MLX: variants seen among roughly 807,000 people sequenced by gnomAD.
MLX encodes the protein MAX dimerization protein MLX, also known as max-like protein X.
Under a neutral mutation model 33.0 loss-of-function variants are expected in MLX, and 15 were observed. The ratio of observed to expected loss-of-function variants is 0.45; its 90% CI spans 0.30 to 0.70. The LOEUF is 0.70. MLX is among the 30% of genes least tolerant of loss of function. MLX has a pLI of 0.07. For synonymous variants in MLX, 115 were observed against 115.6 expected, an observed-to-expected ratio of 0.99 and a Z score of 0.03; for missense variants, 285 against 306.3, an observed-to-expected ratio of 0.93 and a Z score of 0.52.
chr17:42,571,643 C>T lies in MLX; in HGVS notation c.*40C>T, dbSNP rs1035865686. ...CCTGGAGAACAGCCAACAAGAGGCC[C>T]TTGAATCTCTACGTGGCCACTGAAC... On this transcript the variant is annotated 3_prime_UTR_variant, in exon 8 of 8. Coordinates refer to ENST00000435881, the MANE Select transcript of MLX (RefSeq NM_198204.2). 13 of 1,585,270 alleles carry T rather than the reference C, an allele frequency of 8.2e-6. No individual in the cohort carries two copies. The highest frequency in any genetic ancestry group is 1.1e-5 in the Non-Finnish European group (13 of 1,155,574).
In MLX at chr17:42,571,644, T is replaced by C. The variant is rs1000709121; in HGVS notation, c.*41T>C. 1 of 1,600,900 alleles carries C rather than the reference T, an allele frequency of 6.2e-7. No individual in the cohort carries two copies. Among genetic ancestry groups the C allele is most frequent in the Admixed American group, 1.7e-5 (1 of 60,008 alleles). The stretch of plus-strand genomic sequence containing the variant: ...CTGGAGAACAGCCAACAAGAGGCCC[T>C]TGAATCTCTACGTGGCCACTGAACT... On this transcript the variant is annotated 3_prime_UTR_variant, in exon 8 of 8. Transcript: ENST00000435881.
chr17:42,570,110 C>A lies in MLX; in HGVS notation c.605C>A (p.Ser202Tyr). The A allele has an allele frequency of 6.2e-7, 1 of 1,614,164 alleles. No homozygotes were observed. Among genetic ancestry groups the A allele is most frequent in the South Asian group, 1.1e-5 (1 of 91,072 alleles). Residue 202 changes from serine to tyrosine, a missense_variant, in exon 7 of 8, where the codon TCC (serine) becomes TAC (tyrosine). Transcript: ENST00000435881. The part of the protein sequence containing the change: ...MDSLFQSFNA[S>Y]ISVASFQELS... ...TCCCTGTTCCAGTCCTTCAATGCCT[C>A]CATCTCAGTGGCCAGCTTCCAGGAG...
Position 42,572,958 on chromosome 17 carries a change from C to T in MLX, c.*1355C>T, listed in dbSNP as rs775576575. On this transcript the variant is annotated 3_prime_UTR_variant, in exon 8 of 8. Transcript: ENST00000435881. ...TCCTGCAGTCCCCACCAGTCCTGAC[C>T]GTGGGCCCCTCAGGGGTCTGGGAGT... The T allele has an allele frequency of 8.7e-6, 14 of 1,613,914 alleles. No homozygotes were observed. Among genetic ancestry groups the T allele is most frequent in the South Asian group, 4.4e-5 (4 of 91,058 alleles).
chr17:42,568,839 G>T lies in MLX; in HGVS notation c.172G>T (p.Asp58Tyr). Residue 58 changes from aspartate (D) to tyrosine (Y), a missense_variant and splice_region_variant, in exon 4 of 8, where the codon GAT (aspartate) becomes TAT (tyrosine). Asp to Tyr is a radical substitution (Grantham distance 160). Coordinates refer to ENST00000435881, the MANE Select transcript of MLX (RefSeq NM_198204.2). ...CCTGCCCCCATCTCTGAGCGTAGAT[G>T]ATGAGGACAGTGATTACCACCAGGA... ...TSASSVPNTD[D>Y]EDSDYHQEAY... The T allele has an allele frequency of 6.2e-7, 1 of 1,606,372 alleles. No individual in the cohort carries two copies. The highest frequency in any genetic ancestry group is 8.5e-7 in the Non-Finnish European group (1 of 1,175,920).
At chr17:42,571,292 C>G (rs1008288526) in intron 7 of MLX, among the ~76,000 whole-genome samples, 1 of 152,072 alleles carries the variant, frequency 6.6e-6, no homozygotes, top group Non-Finnish European at 1.5e-5. Flanking sequence ...CATGTGCCAC[C>G]ACACCTAATT....
At position 42,573,127 on chromosome 17, in the gene MLX, T is replaced by C. The variant is rs376855006; in HGVS notation, c.*1524T>C. 1.2e-6 allele frequency: 2 copies of C among 1,614,234 alleles called. No individual in the cohort carries two copies. The highest frequency in any genetic ancestry group is 1.3e-5 in the African/African-American group (1 of 75,068). ...CTTACAAAGAACTGCTTCTTGCTCT[T>C]GGGGTATCCTTCAAGTATTGCATCA... On this transcript the variant is annotated 3_prime_UTR_variant, in exon 8 of 8. Coordinates refer to ENST00000435881, the MANE Select transcript of MLX (RefSeq NM_198204.2).
Position 42,570,155 on chromosome 17 carries a change from G to T in MLX, c.650G>T (p.Ser217Ile). The change falls in exon 7 of 8, where the codon AGC becomes ATC. Residue 217 changes from serine (S) to isoleucine (I), a missense_variant. Ser to Ile is a moderately radical substitution (Grantham distance 142). Transcript: ENST00000435881. ...CAGGAGCTGTCAGCGTGTGTCTTCA[G>T]CTGGATCGAGGAGCACTGTAAGCCT... ...SFQELSACVF[S>I]WIEEHCKPQT... is the part of the protein sequence containing the mutation. 2 of 1,613,954 alleles carry T rather than the reference G, an allele frequency of 1.2e-6. No homozygotes were observed. Among genetic ancestry groups the T allele is most frequent in the Non-Finnish European group, 8.5e-7 (1 of 1,180,036 alleles).
rs1201325535 is a variant in MLX at position 42,567,100 on chromosome 17, C to T, written c.-25C>T. 1.4e-5 allele frequency: 17 copies of T among 1,238,872 alleles called. No individual in the cohort carries two copies. The highest frequency in any genetic ancestry group is 1.6e-5 in the Non-Finnish European group (16 of 990,776). The allele number at this position is 1,238,872 out of a possible 1,614,324, so 76.7% of individuals were successfully genotyped here. On this transcript the variant is annotated 5_prime_UTR_variant, in exon 1 of 8. Transcript: ENST00000435881. ...CGCCGCAGGGGGCCCGCCCGCTGGC[C>T]CGTTTCCGGTCCGGTGGGTACAAGA...
Position 42,571,801 on chromosome 17 carries a change from T to C in MLX, c.*198T>C. The C allele has an allele frequency of 1.7e-6, 1 of 596,274 alleles. No homozygotes were observed. Among genetic ancestry groups the C allele is most frequent in the South Asian group, 2.0e-5 (1 of 50,832 alleles). The allele number at this position is 596,274 out of a possible 1,614,324, so 36.9% of individuals were successfully genotyped here. On this transcript the variant is annotated 3_prime_UTR_variant, in exon 8 of 8. Transcript: ENST00000435881. ...TTGTTTTGTGAAAGCTTCTGATTAA[T>C]TTATTATATTGACGATAAAACTCAA...
chr17:42,568,690 C>T, intron 3 of MLX, 131 bp downstream of exon 3: 1 of 1,066,502 alleles, frequency 9.4e-7, no homozygotes, highest in Non-Finnish European at 1.4e-6. Flanking sequence ...CAAGGTCTCA[C>T]CATCTTTCAC....
chr17:42,569,794 T>G, intron 6 of MLX, 188 bp downstream of exon 6: 1 of 716,576 alleles, frequency 1.4e-6, no homozygotes, highest in Admixed American at 2.4e-5. Context: ...GCCTGTTGGA[T>G]TAATGTAAGG....
chr17:42,567,251 C>G (rs755439287), intron 1 of MLX, 85 bp downstream of exon 1: 2 of 1,336,228 alleles, frequency 1.5e-6, no homozygotes, highest in Admixed American at 7.0e-5. Flanking sequence ...AGGGGCTTCC[C>G]TCCTGTCCCC....
intron 2 of MLX, chr17:42,567,927 TTTGTGA>T: frequency 5.4e-6 from 3 of 552,576 alleles, no homozygotes; most frequent in Non-Finnish European, 9.8e-6. Context: ...CACATGCCCG[TTTGTGA>T]GCCAGGGGGG....
chr17:42,569,285 G>A lies in MLX; in HGVS notation c.358G>A (p.Ala120Thr), dbSNP rs1166401759. ...FSIGSQKLSK[A>T]IVLQKTIDYI... ...CATTGGCTCCCAAAAGCTCAGCAAA[G>A]CCATCGTTCTACAAAAGAGTATGGC... is the stretch of plus-strand genomic sequence containing the variant. Residue 120 changes from alanine (A) to threonine (T), a missense_variant, in exon 5 of 8, where the codon GCC becomes ACC. Transcript: ENST00000435881. 1 of 1,614,106 alleles carries A rather than the reference G, an allele frequency of 6.2e-7. No individual in the cohort carries two copies. The highest frequency in any genetic ancestry group is 2.2e-5 in the East Asian group (1 of 44,884).
rs1457177383 is a variant in MLX at position 42,572,303 on chromosome 17, A to ACAG, written c.*703_*705dup. The ACAG allele has an allele frequency of 1.1e-5, 5 of 449,500 alleles. No homozygotes were observed. The Admixed American group carries it at 1.2e-4, about 11-fold the overall frequency. 27.8% of individuals were successfully genotyped at this position (449,500 alleles called of 1,614,324 possible). A position where few individuals can be genotyped will look rare whatever the true frequency, so the allele number is the denominator to read the frequency against. On this transcript the variant is annotated 3_prime_UTR_variant, in exon 8 of 8. Transcript: ENST00000435881. ...GCTGCATGGCAGAGGCAGGTATAAC[A>ACAG]CAGCACTACATATTGGAAATTTTTT...
At chr17:42,569,861 T>A (rs2093023570) in intron 6 of MLX, 121 bp from the exon 7 acceptor site, 2 of 952,138 alleles carry the variant, frequency 2.1e-6, no homozygotes, top group Non-Finnish European at 3.3e-6. Flanking sequence ...TCCCTGATAC[T>A]GAACCCCACC....
chr17:42,567,663 G>T lies in MLX; in HGVS notation c.79+8G>T. ...ACAACAGCCTGGACCCCGGTGAGTAGCTGCCCCATCTTAAGCTCTAGAGGG... is the reference window on the plus strand; with the variant it reads ...ACAACAGCCTGGACCCCGGTGAGTATCTGCCCCATCTTAAGCTCTAGAGGG... On this transcript the variant is annotated splice_region_variant and intron_variant, in intron 2 of 7. Transcript: ENST00000435881. 1 of 1,614,148 alleles carries T rather than the reference G, an allele frequency of 6.2e-7. No homozygotes were observed. Among genetic ancestry groups the T allele is most frequent in the Non-Finnish European group, 8.5e-7 (1 of 1,180,012 alleles).
At position 42,567,133 on chromosome 17, in the gene MLX, G is replaced by A. The variant is rs756633019; in HGVS notation, c.9G>A (p.Glu3=). Residue 3 remains glutamate (E), a synonymous_variant, in exon 1 of 8, where the codon GAG becomes GAA. Transcript: ENST00000435881. MT[E]PGASPEDPWV... ...GGTCCGGTGGGTACAAGATGACGGAGCCGGGCGCCTCTCCCGAGGACCCTT... is the reference window on the plus strand; with the variant it reads ...GGTCCGGTGGGTACAAGATGACGGAACCGGGCGCCTCTCCCGAGGACCCTT... The A allele has an allele frequency of 5.6e-6, 7 of 1,260,162 alleles. No homozygotes were observed. In the African/African-American group the frequency reaches 7.7e-5, roughly 14 times the overall value. 78.1% of individuals were successfully genotyped at this position (1,260,162 alleles called of 1,614,324 possible). A position where few individuals can be genotyped will look rare whatever the true frequency, so the allele number is the denominator to read the frequency against.
At chr17:42,568,991 A>G in intron 4 of MLX, 48 bp downstream of exon 4, 3 of 1,553,658 alleles carry the variant, frequency 1.9e-6, no homozygotes, top group East Asian at 2.3e-5. Flanking sequence ...GGCCCTGCAT[A>G]GTTTAGCTTC....
Sources: gnomAD v4.1 joint callset for allele counts (sites outside exome capture counted in the v4.1 genomes callset) on GRCh38, gnomAD v4.1.1 for gene constraint, MANE v1.5 for transcripts, NCBI Gene and HGNC (gene_info 2026-07-23, HGNC 2026-07-21) for gene names.